Variants in FUBP1 observed in about 807,000 individuals in gnomAD.
FUBP1 encodes the protein far upstream element binding protein 1.
In FUBP1, 16 loss-of-function variants were observed where a neutral mutation model predicts 94.9. The ratio of observed to expected loss-of-function variants is 0.17; its 90% CI spans 0.11 to 0.26. The LOEUF (loss-of-function observed/expected upper bound fraction) is 0.26. Among genes scored for constraint, FUBP1 ranks in the 10% least tolerant of loss-of-function variants. The probability of loss-of-function intolerance (pLI) is 1.00; values close to 1 mark genes in which losing one functional copy is unlikely to be tolerated. For missense variants in FUBP1, 583 were observed against 808.6 expected (o/e 0.72, Z 3.38); for synonymous variants, 279 against 254.9 (o/e 1.09, Z -0.90).
In FUBP1 at chr1:77,966,741, G is replaced by T. The variant is rs2102417399; in HGVS notation, c.426C>A (p.Gly142=). 1 of 1,568,004 alleles carries T rather than the reference G, an allele frequency of 6.4e-7. No individual in the cohort carries two copies. ...TTAACATACAGGACCTTTCTGGAAGGCCACCACTGTCTACAATTTAAAACA... is the reference window on the plus strand; with the variant it reads ...TTAACATACAGGACCTTTCTGGAAGTCCACCACTGTCTACAATTTAAAACA... The part of the protein sequence containing the change: ...CKIQIAPDSG[G]LPERSCMLTG... Residue 142 remains glycine (G), a synonymous_variant, in exon 7 of 20, where the codon GGC becomes GGA. Coordinates refer to ENST00000370768, the MANE Select transcript of FUBP1 (RefSeq NM_003902.5).
intron 18 of FUBP1, among the ~76,000 whole-genome samples, chr1:77,953,198 T>A (rs1353741752): frequency 1.4e-5 from 2 of 146,032 alleles, no homozygotes; most frequent in Non-Finnish European, 3.0e-5. Context: ...CTCATAAAAT[T>A]AACAGGTGAG....
Position 77,949,140 on chromosome 1 carries a change from G to A in FUBP1, c.1926+15C>T. On this transcript the variant is annotated intron_variant, in intron 19 of 19. Coordinates refer to ENST00000370768, the MANE Select transcript of FUBP1 (RefSeq NM_003902.5). ...GACTGGAGTAGAAATCAACAAATTA[G>A]CAATTACATTATACCTGAGGTGCTG... 1 of 1,604,538 alleles carries A rather than the reference G, an allele frequency of 6.2e-7. No individual in the cohort carries two copies.
At chr1:77,967,024 A>C (rs377658222) in intron 5 of FUBP1, 25 bp downstream of exon 5, 3 of 1,574,910 alleles carry the variant, frequency 1.9e-6, no homozygotes, top group Non-Finnish European at 2.6e-6. Context: ...CATGTTTTCA[A>C]AACTTTAAAA....
chr1:77,967,558 G>A, intron 4 of FUBP1, 69 bp downstream of exon 4: 1 of 1,112,900 alleles, frequency 9.0e-7, no homozygotes, highest in Non-Finnish European at 1.4e-6. Flanking sequence ...ATACACCAAT[G>A]TGGTTGTGTT....
In FUBP1 at chr1:77,947,858, C is replaced by T. The variant is rs1007547694; in HGVS notation, c.*908G>A. The T allele has an allele frequency of 2.2e-5, 24 of 1,111,694 alleles. No individual in the cohort carries two copies. Among genetic ancestry groups the T allele is most frequent in the Non-Finnish European group, 2.6e-5 (23 of 895,648 alleles). The allele number at this position is 1,111,694 out of a possible 1,614,324, so 68.9% of individuals were successfully genotyped here. A position where few individuals can be genotyped will look rare whatever the true frequency, so the allele number is the denominator to read the frequency against. On this transcript the variant is annotated 3_prime_UTR_variant, in exon 20 of 20. Transcript: ENST00000370768. ...AGATGCAATGTAGCTATACTTTTTG[C>T]ACACTATTCACTTTTCTATCCTAAA...
At chr1:77,976,944 C>T (rs1229160906) in intron 1 of FUBP1, among the ~76,000 whole-genome samples, 1 of 152,176 alleles carries the variant, frequency 6.6e-6, no homozygotes, top group African/African-American at 2.4e-5. Flanking sequence ...AGTCCCCACA[C>T]CTCTGCGCAT....
intron 1 of FUBP1, among the ~76,000 whole-genome samples, chr1:77,974,438 T>C (rs1196928325): frequency 3.9e-5 from 6 of 152,072 alleles, no homozygotes; most frequent in African/African-American, 1.2e-4. Flanking sequence ...AGCCTATTTT[T>C]TGGTATTTTT....
intron 4 of FUBP1, 80 bp downstream of exon 4, chr1:77,967,547 T>C: frequency 2.0e-6 from 2 of 992,950 alleles, no homozygotes; most frequent in Non-Finnish European, 3.2e-6. Context: ...ACATATTCAA[T>C]ATACACCAAT....
In FUBP1 at chr1:77,948,530, G is replaced by A. The variant is rs1031172459; in HGVS notation, c.*236C>T. 2.4e-6 allele frequency: 3 copies of A among 1,264,644 alleles called. No individual in the cohort carries two copies. Among genetic ancestry groups the A allele is most frequent in the Non-Finnish European group, 3.0e-6 (3 of 995,908 alleles). The allele number at this position is 1,264,644 out of a possible 1,614,324, so 78.3% of individuals were successfully genotyped here. A position where few individuals can be genotyped will look rare whatever the true frequency, so the allele number is the denominator to read the frequency against. Reference sequence around the variant, plus strand: ...ATTGCAAATACATTTGCTGGAATGTGTACATCTACACTAAATACTAAAAAC... The same window carrying A: ...ATTGCAAATACATTTGCTGGAATGTATACATCTACACTAAATACTAAAAAC... On this transcript the variant is annotated 3_prime_UTR_variant, in exon 20 of 20. Transcript: ENST00000370768.
chr1:77,979,207 A>G (rs111254934), upstream of FUBP1: 16 of 575,018 alleles, frequency 2.8e-5, no homozygotes, highest in South Asian at 1.1e-4. Flanking sequence ...AGAAAGAACG[A>G]CAGGAACAGA....
intron 18 of FUBP1, among the ~76,000 whole-genome samples, chr1:77,950,315 C>G (rs769240475): frequency 6.6e-6 from 1 of 152,132 alleles, no homozygotes; most frequent in African/African-American, 2.4e-5. Flanking sequence ...GCCCACCATG[C>G]CTAGCTGACA....
intron 1 of FUBP1, among the ~76,000 whole-genome samples, chr1:77,978,623 G>C (rs1460657311): frequency 6.6e-6 from 1 of 152,192 alleles, no homozygotes; most frequent in Non-Finnish European, 1.5e-5. Context: ...GGAGACACGC[G>C]AGTGCCGCAG....
At position 77,962,241 on chromosome 1, in the gene FUBP1, T is replaced by C. The variant is rs1473645904; in HGVS notation, c.1344+529A>G. 2.0e-5 allele frequency among the ~76,000 whole-genome samples: 3 copies of C among 152,338 alleles called. No individual in the cohort carries two copies. In the East Asian group the frequency reaches 5.8e-4, roughly 29 times the overall value. ...CTATGTAAAATTAGATGCTGGGCCC[T>C]ATCCCAGACATTTTGAGTCAGGTCT... On this transcript the variant is annotated intron_variant, in intron 14 of 19. Coordinates refer to ENST00000370768, the MANE Select transcript of FUBP1 (RefSeq NM_003902.5).
rs142508105 is a variant in FUBP1 at position 77,964,930 on chromosome 1, C to T, written c.675G>A (p.Gly225=). ...GTTTGTCAGCACCAGTGTTCTGCGGCCCGTCTTGAATCATAACCATTTTAA... is the reference window on the plus strand; with the variant it reads ...GTTTGTCAGCACCAGTGTTCTGCGGTCCGTCTTGAATCATAACCATTTTAA... ...AGVKMVMIQD[G]PQNTGADKPL... The change falls in exon 9 of 20, where the codon GGG becomes GGA. Residue 225 remains glycine, a synonymous_variant. Transcript: ENST00000370768. 51 of 1,612,814 alleles carry T rather than the reference C, an allele frequency of 3.2e-5. No individual in the cohort carries two copies. Among genetic ancestry groups the T allele is most frequent in the Non-Finnish European group, 3.7e-5 (44 of 1,178,908 alleles).
upstream of FUBP1, chr1:77,979,349 C>T (rs1469714777): frequency 1.9e-5 from 5 of 264,282 alleles, no homozygotes; most frequent in Non-Finnish European, 1.5e-5. Flanking sequence ...CAGTTGACTG[C>T]GACTGTGTTT....
At position 77,960,446 on chromosome 1, in the gene FUBP1, A is replaced by T; in HGVS notation, c.1394T>A (p.Val465Asp). ...GPPVPHGPHGVPGPHGPPGPP... is the reference protein window; with the variant it reads ...GPPVPHGPHGDPGPHGPPGPP... Reference sequence around the variant, plus strand: ...CCCAGGAGGTCCATGGGGGCCTGGGACACCATGGGGCCCATGGGGTACAGG... The same window carrying T: ...CCCAGGAGGTCCATGGGGGCCTGGGTCACCATGGGGCCCATGGGGTACAGG... Residue 465 changes from valine (V) to aspartate (D), a missense_variant, in exon 15 of 20, where the codon GTC becomes GAC. Physicochemically the swap from Val to Asp is radical, Grantham distance 152. Coordinates refer to ENST00000370768, the MANE Select transcript of FUBP1 (RefSeq NM_003902.5). 1 of 1,591,646 alleles carries T rather than the reference A, an allele frequency of 6.3e-7. No homozygotes were observed. Among genetic ancestry groups the T allele is most frequent in the Non-Finnish European group, 8.5e-7 (1 of 1,173,078 alleles).
At chr1:77,955,786 C>T (rs1227051726) in intron 17 of FUBP1, among the ~76,000 whole-genome samples, 3 of 151,980 alleles carry the variant, frequency 2.0e-5, no homozygotes, top group Admixed American at 6.6e-5. Context: ...CCTAGTTCTG[C>T]CTGTTGAAAG....
Position 77,944,887 on chromosome 1 carries a change from G to A in FUBP1, c.*3879C>T, listed in dbSNP as rs2102198198. On this transcript the variant is annotated 3_prime_UTR_variant, in exon 20 of 20. Coordinates refer to ENST00000370768, the MANE Select transcript of FUBP1 (RefSeq NM_003902.5). ...AAAACTATACTTCTCATTTCTAAAA[G>A]AAACATCAAACCATAGAATTCTAAG... Among the ~76,000 whole-genome samples the A allele has an allele frequency of 6.6e-6, 1 of 151,776 alleles. No homozygotes were observed. Among genetic ancestry groups the A allele is most frequent in the Middle Eastern group, 3.4e-3 (1 of 292 alleles).
intron 1 of FUBP1, among the ~76,000 whole-genome samples, chr1:77,972,243 G>C (rs747404901): frequency 6.6e-6 from 1 of 152,076 alleles, no homozygotes. Flanking sequence ...ACTAATAGTA[G>C]AAGGAAAGTA....
Sources: allele counts gnomAD v4.1 joint callset (sites outside exome capture counted in the v4.1 genomes callset), GRCh38; gene constraint gnomAD v4.1.1; transcripts MANE v1.5; gene names NCBI Gene and HGNC (gene_info 2026-07-23, HGNC 2026-07-21).